ABHD12: variants seen among roughly 807,000 people sequenced by gnomAD.
The protein encoded by ABHD12 is lysophosphatidylserine lipase ABHD12.
ABHD12 carries 43 observed loss-of-function variants against 58.3 expected under a neutral mutation model. That is an observed-to-expected ratio of 0.74 (90% CI 0.58 to 0.95). ABHD12 has a LOEUF of 0.95. Ranked by LOEUF, ABHD12 falls within the 40% of genes least tolerant of loss-of-function variation. The pLI, the probability that ABHD12 is intolerant of heterozygous loss-of-function variation, is 0.00. For synonymous variants in ABHD12, 219 were observed against 211.2 expected, an observed-to-expected ratio of 1.04 and a Z score of -0.32; for missense variants, 539 against 537.2, an observed-to-expected ratio of 1.00 and a Z score of -0.03.
intron 6 of ABHD12, among the ~76,000 whole-genome samples, chr20:25,310,648 A>C (rs1349275292): frequency 6.6e-6 from 1 of 152,160 alleles, no homozygotes; most frequent in East Asian, 1.9e-4. Context: ...ACAGAAAGAA[A>C]AGAACAGAGA....
chr20:25,364,771 A>G (rs752847281), intron 1 of ABHD12, among the ~76,000 whole-genome samples: 1 of 152,228 alleles, frequency 6.6e-6, no homozygotes, highest in Non-Finnish European at 1.5e-5. Context: ...CTGGCAAAGA[A>G]TAAGAATATA....
rs910610748 is a variant in ABHD12 at position 25,349,071 on chromosome 20, G to A, written c.192-9720C>T. 1.9e-3 allele frequency among the ~76,000 whole-genome samples: 278 copies of A among 145,164 alleles called. 1 individual carries two copies. The highest frequency in any genetic ancestry group is 1.1e-3 in the Non-Finnish European group (75 of 66,872). On this transcript the variant is annotated intron_variant, in intron 1 of 12. Transcript: ENST00000339157. ...TGCACTCCAGCCTGGGCAACAGAGC[G>A]AGACTCCGTCTCAAAAAAAAAAAAA... is the stretch of plus-strand genomic sequence containing the variant.
At chr20:25,343,333 T>C (rs1294503870) in intron 1 of ABHD12, among the ~76,000 whole-genome samples, 1 of 152,052 alleles carries the variant, frequency 6.6e-6, no homozygotes, top group Non-Finnish European at 1.5e-5. Context: ...ATAGAAACAA[T>C]CTCTTTTTAA....
chr20:25,336,456 G>A (rs1353182038), intron 2 of ABHD12, among the ~76,000 whole-genome samples: 1 of 152,130 alleles, frequency 6.6e-6, no homozygotes, highest in Admixed American at 6.5e-5. Context: ...GTTTCAGATA[G>A]ATTTGCTGTG....
intron 1 of ABHD12, 39 bp downstream of exon 1, chr20:25,390,474 C>CCGGGGG: frequency 9.3e-7 from 1 of 1,079,070 alleles, no homozygotes; most frequent in Non-Finnish European, 1.1e-6. Flanking sequence ...AAGTGAGGGA[C>CCGGGGG]CGGCCCCCCC....
At chr20:25,334,736 A>G (rs2089334526) in intron 2 of ABHD12, among the ~76,000 whole-genome samples, 1 of 150,360 alleles carries the variant, frequency 6.7e-6, no homozygotes, top group Non-Finnish European at 1.5e-5. Flanking sequence ...TGGTGCTGGG[A>G]AAACTGGCTA....
At chr20:25,354,206 T>C (rs1360701550) in intron 1 of ABHD12, among the ~76,000 whole-genome samples, 2 of 152,224 alleles carry the variant, frequency 1.3e-5, no homozygotes, top group Admixed American at 6.5e-5. Context: ...CTAGATCATA[T>C]TTGGCAGTAA....
At chr20:25,320,111 G>A in intron 4 of ABHD12, 88 bp downstream of exon 4, 2 of 1,582,230 alleles carry the variant, frequency 1.3e-6, no homozygotes, top group Admixed American at 1.7e-5. Context: ...GGTTGCTCCT[G>A]CTGGTTTCCG....
Position 25,302,245 on chromosome 20 carries a change from C to A in ABHD12, c.1131G>T (p.Lys377Asn). 2 of 1,613,606 alleles carry A rather than the reference C, an allele frequency of 1.2e-6. No homozygotes were observed. The highest frequency in any genetic ancestry group is 2.2e-5 in the South Asian group (2 of 91,048). Residue 377 changes from lysine to asparagine, a missense_variant, in exon 12 of 13, where the codon AAG (lysine) becomes AAT (asparagine). Coordinates refer to ENST00000339157, the MANE Select transcript of ABHD12 (RefSeq NM_001042472.3). ...TCAGTATCCGTGGCAGCTCAGGGCT[C>A]TTGTAAATGTATTTGTGCCTGTAGC... ...DLGYRHKYIY[K>N]SPELPRILRE...
intron 6 of ABHD12, 26 bp from the exon 7 acceptor site, chr20:25,309,601 G>A (rs1408756416): frequency 6.2e-7 from 1 of 1,613,562 alleles, no homozygotes. Flanking sequence ...GGCAGGACGG[G>A]GAGGTCAAAG....
chr20:25,364,629 A>G (rs186359687), intron 1 of ABHD12, among the ~76,000 whole-genome samples: 2 of 152,324 alleles, frequency 1.3e-5, no homozygotes, highest in Admixed American at 1.3e-4. Context: ...CAAACAAACC[A>G]TATCTAAACC....
intron 1 of ABHD12, among the ~76,000 whole-genome samples, chr20:25,374,360 T>C (rs1219081084): frequency 1.3e-5 from 2 of 152,208 alleles, no homozygotes; most frequent in African/African-American, 4.8e-5. Flanking sequence ...TGCCCTTCAA[T>C]GTAATTCCCT....
intron 1 of ABHD12, among the ~76,000 whole-genome samples, chr20:25,370,430 C>A (rs915892428): frequency 9.9e-5 from 15 of 152,120 alleles, no homozygotes; most frequent in Admixed American, 4.6e-4. Flanking sequence ...GAAGCCCACC[C>A]CTCAGGCACA....
Position 25,300,584 on chromosome 20 carries a change from C to G in ABHD12, c.*261G>C. On this transcript the variant is annotated 3_prime_UTR_variant, in exon 13 of 13. Transcript: ENST00000339157. ...TGGCTGCCTGCTGCCATTAAGTCTC[C>G]CAACAAGATCTCAGGTTGAGGGGCG... The G allele has an allele frequency of 7.0e-7, 1 of 1,428,488 alleles. No homozygotes were observed. The highest frequency in any genetic ancestry group is 9.1e-7 in the Non-Finnish European group (1 of 1,095,516). 88.5% of individuals were successfully genotyped at this position (1,428,488 alleles called of 1,614,324 possible).
At chr20:25,341,568 G>A (rs1466846778) in intron 1 of ABHD12, among the ~76,000 whole-genome samples, 1 of 152,104 alleles carries the variant, frequency 6.6e-6, no homozygotes, top group Admixed American at 6.5e-5. Context: ...ATGCTTGGTG[G>A]GGATGATAAT....
intron 9 of ABHD12, among the ~76,000 whole-genome samples, chr20:25,307,511 G>A (rs535940225): frequency 1.6e-4 from 25 of 152,376 alleles, no homozygotes; most frequent in Non-Finnish European, 3.4e-4. Context: ...GGAGGGCACA[G>A]GTTGGGTGGG....
chr20:25,329,684 A>AG (rs570075691), intron 2 of ABHD12, among the ~76,000 whole-genome samples: 60 of 152,312 alleles, frequency 3.9e-4, no homozygotes, highest in Middle Eastern at 3.4e-3. Context: ...GGGTCTGAAC[A>AG]GGGGGCTAAG....
chr20:25,330,104 G>A (rs1209619420), intron 2 of ABHD12, among the ~76,000 whole-genome samples: 6 of 152,244 alleles, frequency 3.9e-5, no homozygotes, highest in Admixed American at 1.3e-4. Context: ...CAGTGGGTAC[G>A]CGCACCGTGC....
chr20:25,377,521 G>GCAT (rs1014021116), intron 1 of ABHD12, among the ~76,000 whole-genome samples: 2 of 152,172 alleles, frequency 1.3e-5, no homozygotes, highest in Non-Finnish European at 2.9e-5. Flanking sequence ...GTGGCTCAGG[G>GCAT]CATCACATGG....
Sources: gnomAD v4.1 joint callset for allele counts (sites outside exome capture counted in the v4.1 genomes callset) on GRCh38, gnomAD v4.1.1 for gene constraint, MANE v1.5 for transcripts, NCBI Gene and HGNC (gene_info 2026-07-23, HGNC 2026-07-21) for gene names.